OTOGL: variants seen among roughly 807,000 people sequenced by gnomAD.
OTOGL encodes otogelin like.
Under a neutral mutation model 318.5 loss-of-function variants are expected in OTOGL, and 285 were observed. The observed-to-expected ratio is 0.89, with a 90% CI of 0.81 to 0.99. The LOEUF is 0.99. Ranked by LOEUF, OTOGL falls within the 50% of genes least tolerant of loss-of-function variation. The pLI, the probability that OTOGL is intolerant of heterozygous loss-of-function variation, is 0.00. For missense variants in OTOGL, 2,899 were observed against 2,845.6 expected (o/e 1.02, Z -0.43); for synonymous variants, 987 against 936.5 (o/e 1.05, Z -0.99).
At chr12:80,123,034 C>CTT (rs922026290) in intron 1 of OTOGL, among the ~76,000 whole-genome samples, 1 of 144,700 alleles carries the variant, frequency 6.9e-6, no homozygotes, top group African/African-American at 2.5e-5. Context: ...GATTTCTTTT[C>CTT]TTTTTTTTTT....
chr12:80,227,774 G>GATATCCCAT (rs1457497214), intron 7 of OTOGL, among the ~76,000 whole-genome samples: 2 of 152,014 alleles, frequency 1.3e-5, no homozygotes, highest in Non-Finnish European at 2.9e-5. Flanking sequence ...TGGTATTCCA[G>GATATCCCAT]ATATCCCATA....
In OTOGL at chr12:80,140,309, A is replaced by C. The variant is rs180748567; in HGVS notation, c.-20+40704A>C. 4.8e-3 allele frequency among the ~76,000 whole-genome samples: 738 copies of C among 152,298 alleles called. 8 individuals carry two copies. The highest frequency in any genetic ancestry group is 7.1e-3 in the Admixed American group (109 of 15,284). ...GTCAATGCAACTGCATGTGATGTTC[A>C]GAGGTAAATTATTGGCTTCTTTGGG... On this transcript the variant is annotated intron_variant, in intron 1 of 58. Transcript: ENST00000547103.
intron 1 of OTOGL, among the ~76,000 whole-genome samples, chr12:80,153,620 A>G (rs1204444078): frequency 1.3e-5 from 2 of 152,224 alleles, no homozygotes; most frequent in South Asian, 4.1e-4. Context: ...ATGGGTTTGT[A>G]CAAATATATA....
Position 80,114,155 on chromosome 12 carries a change from A to T in OTOGL, c.-20+14550A>T. ...TATGTGTGAATTTGATCCTGTGATT[A>T]TGATGTTAGCTGGTTATTGTGCCCG... is the stretch of plus-strand genomic sequence containing the variant. On this transcript the variant is annotated intron_variant, in intron 1 of 58. Coordinates refer to ENST00000547103, the MANE Select transcript of OTOGL (RefSeq NM_001378609.3). 1.3e-5 allele frequency among the ~76,000 whole-genome samples: 2 copies of T among 152,148 alleles called. 1 individual carries two copies. The highest frequency in any genetic ancestry group is 3.9e-4 in the East Asian group (2 of 5,194).
rs147902402 is a variant in OTOGL, at chr12:80,168,468, A to G, written c.-19-40945A>G. On this transcript the variant is annotated intron_variant, in intron 1 of 58. Transcript: ENST00000547103. Reference sequence around the variant, plus strand: ...TTTGGGGGGATCACAGAATAACCATACTGGGGAATTAAGATATGAAAATGA... The same window carrying G: ...TTTGGGGGGATCACAGAATAACCATGCTGGGGAATTAAGATATGAAAATGA... Among the ~76,000 whole-genome samples the G allele has an allele frequency of 2.5e-3, 380 of 152,272 alleles. 2 individuals are homozygous for G. Among genetic ancestry groups the G allele is most frequent in the Non-Finnish European group, 2.9e-3 (198 of 68,012 alleles).
Position 80,357,926 on chromosome 12 carries a change from A to G in OTOGL, c.6020-322A>G, listed in dbSNP as rs1463138334. Among the ~76,000 whole-genome samples, 13 of 152,282 alleles carry G rather than the reference A, an allele frequency of 8.5e-5. No individual in the cohort carries two copies. The East Asian group carries it at 1.9e-3, about 23-fold the overall frequency. On this transcript the variant is annotated intron_variant, in intron 49 of 58. Coordinates refer to ENST00000547103, the MANE Select transcript of OTOGL (RefSeq NM_001378609.3). ...TTTCATCCCTAAATGAGAGTAATCAATGATAGTGAATTAAGAAAACATAAA... is the reference window on the plus strand; with the variant it reads ...TTTCATCCCTAAATGAGAGTAATCAGTGATAGTGAATTAAGAAAACATAAA...
At chr12:80,377,057 A>G (rs1566026622) in intron 57 of OTOGL, 66 bp from the exon 58 acceptor site, 1 of 1,086,056 alleles carries the variant, frequency 9.2e-7, no homozygotes, top group East Asian at 2.7e-5. Context: ...ATATATTCAT[A>G]TATTTAATTT....
chr12:80,157,357 G>T (rs1364881913), intron 1 of OTOGL, among the ~76,000 whole-genome samples: 1 of 151,922 alleles, frequency 6.6e-6, no homozygotes, highest in Non-Finnish European at 1.5e-5. Context: ...TTGTCAGATG[G>T]GTGGTTTGAA....
chr12:80,295,207 C>T (rs979067857), intron 26 of OTOGL, among the ~76,000 whole-genome samples: 1 of 127,260 alleles, frequency 7.9e-6, no homozygotes, highest in Non-Finnish European at 1.6e-5. Context: ...CTCAATCTGT[C>T]ACCCAGACTG....
chr12:80,340,189 G>A (rs1197387692), intron 43 of OTOGL, among the ~76,000 whole-genome samples: 2 of 152,104 alleles, frequency 1.3e-5, no homozygotes, highest in African/African-American at 2.4e-5. Flanking sequence ...CTGACATTAT[G>A]CTTGAGGCTG....
In OTOGL at chr12:80,219,819, T is replaced by C; in HGVS notation, c.241T>C (p.Cys81Arg). The C allele has an allele frequency of 1.3e-6, 2 of 1,575,330 alleles. No individual in the cohort carries two copies. Among genetic ancestry groups the C allele is most frequent in the Non-Finnish European group, 1.7e-6 (2 of 1,160,020 alleles). The change falls in exon 6 of 59, where the codon TGT (cysteine) becomes CGT (arginine). Residue 81 changes from cysteine (C) to arginine (R), a missense_variant. Physicochemically the swap from Cys to Arg is radical, Grantham distance 180. Coordinates refer to ENST00000547103, the MANE Select transcript of OTOGL (RefSeq NM_001378609.3). Reference protein sequence around the residue: ...NWGESKIKGSCPYECLNGAFC... With the variant: ...NWGESKIKGSRPYECLNGAFC... ...TTTTTTTTTTTCCCCCTCAGGTTCT[T>C]GTCCTTATGAATGCCTTAATGGAGC...
At chr12:80,366,530 T>TATATATATATATAA (rs201357228) in intron 52 of OTOGL, 44 bp from the exon 53 acceptor site, 179 of 355,312 alleles carry the variant, frequency 5.0e-4, no homozygotes, top group African/African-American at 2.9e-3. Flanking sequence ...TATATATATA[T>TATATATATATATAA]AAAATAAGCT....
chr12:80,311,498 C>T (rs989569130), intron 30 of OTOGL, among the ~76,000 whole-genome samples: 1 of 152,202 alleles, frequency 6.6e-6, no homozygotes, highest in Non-Finnish European at 1.5e-5. Context: ...TGTTGGCTCA[C>T]TACAACCTCT....
intron 57 of OTOGL, among the ~76,000 whole-genome samples, chr12:80,376,218 C>T (rs1891169503): frequency 6.6e-6 from 1 of 152,092 alleles, no homozygotes; most frequent in African/African-American, 2.4e-5. Context: ...AGCTACCCAT[C>T]TCTCCTTCAA....
At chr12:80,214,549 A>G (rs150620443) in intron 4 of OTOGL, among the ~76,000 whole-genome samples, 86 of 152,286 alleles carry the variant, frequency 5.6e-4, no homozygotes, top group African/African-American at 1.9e-3. Context: ...TCCAAGGTGA[A>G]TTCAGAGGTG....
At chr12:80,307,914 CG>C (rs1385013358) in intron 29 of OTOGL, among the ~76,000 whole-genome samples, 1 of 97,616 alleles carries the variant, frequency 1.0e-5, no homozygotes, top group South Asian at 3.5e-4. Context: ...GCTGGCCGGG[CG>C]GGGGCTGACC....
intron 1 of OTOGL, among the ~76,000 whole-genome samples, chr12:80,108,918 GTATATATA>G (rs1304306418): frequency 8.5e-6 from 1 of 117,406 alleles, no homozygotes; most frequent in African/African-American, 3.6e-5. Flanking sequence ...ATATATATGT[GTATATATA>G]TATGTGTGTG....
intron 1 of OTOGL, among the ~76,000 whole-genome samples, chr12:80,137,893 C>T (rs7300188): frequency 0.54 from 82,197 of 151,920 alleles, 22,358 homozygotes; most frequent in Middle Eastern, 0.59. Flanking sequence ...AGCTCTAACC[C>T]GTGTTTCTGT....
intron 11 of OTOGL, among the ~76,000 whole-genome samples, chr12:80,249,689 C>G (rs867863944): frequency 1.3e-5 from 2 of 152,050 alleles, no homozygotes; most frequent in South Asian, 2.1e-4. Context: ...GTGGTGGGCT[C>G]CACCCAGTTC....
Sources: allele counts gnomAD v4.1 joint callset (sites outside exome capture counted in the v4.1 genomes callset), GRCh38; gene constraint gnomAD v4.1.1; transcripts MANE v1.5; gene names NCBI Gene and HGNC (gene_info 2026-07-23, HGNC 2026-07-21).